The following LANCL1 variants were observed in gnomAD, a reference collection of about 807,000 sequenced individuals.
The protein encoded by LANCL1 is glutathione S-transferase LANCL1.
In LANCL1, 50 loss-of-function variants were observed where a neutral mutation model predicts 50.6. That is an observed-to-expected ratio of 0.99 (90% CI 0.79 to 1.25). The LOEUF (loss-of-function observed/expected upper bound fraction) is 1.25, where lower values mean the gene tolerates loss of function less well. LANCL1 is among the 50% of genes most tolerant of loss of function. The pLI is 0.00. For missense variants in LANCL1, 532 were observed against 480.7 expected (o/e 1.11, Z -1.00); for synonymous variants, 188 against 178.6 (o/e 1.05, Z -0.42).
At chr2:210,439,496 G>A (rs1404437073) in intron 6 of LANCL1, among the ~76,000 whole-genome samples, 2 of 152,152 alleles carry the variant, frequency 1.3e-5, no homozygotes, top group Non-Finnish European at 2.9e-5. Context: ...TTTCCTGAAA[G>A]CTTTTAGGAA....
chr2:210,436,466 T>C, intron 7 of LANCL1, 74 bp from the exon 8 acceptor site: 2 of 1,399,648 alleles, frequency 1.4e-6, no homozygotes, highest in African/African-American at 1.4e-5. Context: ...TCCTGATAGA[T>C]AAGAAGGAAA....
At chr2:210,471,571 AT>A (rs2105927938) in intron 3 of LANCL1, 1 of 462,948 alleles carries the variant, frequency 2.2e-6, no homozygotes, top group South Asian at 1.5e-5. Flanking sequence ...TTCTGGACAT[AT>A]TTTATTCCTG....
chr2:210,471,193 T>C (rs3856345), intron 3 of LANCL1, among the ~76,000 whole-genome samples: 67,642 of 151,298 alleles, frequency 0.45, 16,060 homozygotes, highest in East Asian at 0.61. Context: ...ACTACAGGTA[T>C]GAGCCACCAT....
intron 4 of LANCL1, among the ~76,000 whole-genome samples, chr2:210,442,080 T>C (rs147016704): frequency 2.0e-5 from 3 of 152,142 alleles, no homozygotes; most frequent in East Asian, 3.9e-4. Context: ...AATTTTGTAT[T>C]TTTAGTAGAG....
At chr2:210,453,133 T>C (rs1049931193) in intron 4 of LANCL1, among the ~76,000 whole-genome samples, 1 of 152,212 alleles carries the variant, frequency 6.6e-6, no homozygotes, top group African/African-American at 2.4e-5. Flanking sequence ...TCCTATTATA[T>C]TCACATACTA....
At chr2:210,468,793 T>C (rs1694144785) in intron 3 of LANCL1, 1 of 152,244 alleles carries the variant, frequency 6.6e-6, no homozygotes, top group African/African-American at 2.4e-5. Flanking sequence ...GGGGTTCCTA[T>C]TAACATCCTG....
intron 4 of LANCL1, 41 bp downstream of exon 4, chr2:210,455,066 A>G (rs1553713184): frequency 3.9e-6 from 6 of 1,526,068 alleles, no homozygotes; most frequent in Non-Finnish European, 4.5e-6. Context: ...ATTAATGCAT[A>G]ATGATGCTAG....
At chr2:210,476,768 C>T, upstream of LANCL1, 1 of 1,027,024 alleles carries the variant, frequency 9.7e-7, no homozygotes, top group Non-Finnish European at 1.2e-6. Context: ...CCGCCCAGTT[C>T]CTGCCAGGAG....
intron 3 of LANCL1, among the ~76,000 whole-genome samples, chr2:210,458,461 A>C (rs952727790): frequency 2.0e-5 from 3 of 152,180 alleles, no homozygotes; most frequent in Non-Finnish European, 4.4e-5. Flanking sequence ...CCATAACTGC[A>C]CTGTAAGGTT....
At chr2:210,445,160 T>C (rs1693276816) in intron 4 of LANCL1, among the ~76,000 whole-genome samples, 1 of 126,914 alleles carries the variant, frequency 7.9e-6, no homozygotes. Context: ...TGAAAAAAAA[T>C]TACTGTAATT....
chr2:210,465,382 G>A (rs1559720112), intron 3 of LANCL1, among the ~76,000 whole-genome samples: 3 of 152,296 alleles, frequency 2.0e-5, no homozygotes, highest in East Asian at 1.9e-4. Context: ...GACATTACAC[G>A]AAACACCTGA....
intron 2 of LANCL1, among the ~76,000 whole-genome samples, chr2:210,473,203 C>T (rs893055846): frequency 6.6e-6 from 1 of 152,080 alleles, no homozygotes; most frequent in African/African-American, 2.4e-5. Context: ...TGGAGAAACC[C>T]CATCTCTACT....
chr2:210,468,110 C>G (rs1030678025), intron 3 of LANCL1: 7 of 151,772 alleles, frequency 4.6e-5, no homozygotes, highest in Non-Finnish European at 8.8e-5. Flanking sequence ...ACACTTAGCT[C>G]TAGGAAAATT....
intron 4 of LANCL1, among the ~76,000 whole-genome samples, chr2:210,444,775 T>A (rs1321334429): frequency 6.6e-6 from 1 of 152,170 alleles, no homozygotes; most frequent in Admixed American, 6.5e-5. Flanking sequence ...TTGTATACTT[T>A]GACCTTTTTT....
At chr2:210,461,986 C>T (rs1693878890) in intron 3 of LANCL1, among the ~76,000 whole-genome samples, 2 of 152,148 alleles carry the variant, frequency 1.3e-5, no homozygotes, top group South Asian at 4.1e-4. Flanking sequence ...TCATTTAATC[C>T]TTTATAATAA....
rs1346672978 is a variant in LANCL1, at chr2:210,450,197, ACAGC to A, written c.407+4906_407+4909del. On this transcript the variant is annotated intron_variant, in intron 4 of 9. Coordinates refer to ENST00000450366, the MANE Select transcript of LANCL1 (RefSeq NM_006055.3). ...GCCTCAGAAATAACACCACACACGT[ACAGC>A]CATCTGATCTTTGACAAACCTGACA... 3.3e-5 allele frequency among the ~76,000 whole-genome samples: 5 copies of A among 152,344 alleles called. 1 individual carries two copies. In the East Asian group the frequency reaches 9.6e-4, roughly 29 times the overall value.
chr2:210,438,036 A>C (rs2105886440), intron 6 of LANCL1, among the ~76,000 whole-genome samples, 164 bp from the exon 7 acceptor site: 1 of 152,252 alleles, frequency 6.6e-6, no homozygotes, highest in East Asian at 1.9e-4. Context: ...CTTTATTTTA[A>C]GCTTTTGTGA....
In LANCL1 at chr2:210,473,394, CAACAAA is replaced by C. The variant is rs1478143138; in HGVS notation, c.82-1324_82-1319del. 1.1e-4 allele frequency among the ~76,000 whole-genome samples: 16 copies of C among 152,220 alleles called. 1 individual carries two copies. The South Asian group carries it at 3.1e-3, about 30-fold the overall frequency. On this transcript the variant is annotated intron_variant, in intron 2 of 9. Transcript: ENST00000450366. The stretch of plus-strand genomic sequence containing the variant: ...CCATCTCAAACAACAACAACAACAA[CAACAAA>C]AACCCAAAAAACTCACTTTATTGTC...
At chr2:210,470,803 G>A (rs1030624241) in intron 3 of LANCL1, among the ~76,000 whole-genome samples, 1 of 152,138 alleles carries the variant, frequency 6.6e-6, no homozygotes, top group Non-Finnish European at 1.5e-5. Flanking sequence ...AAATTCCTGG[G>A]TTCTGCTCAA....
Sources: allele counts gnomAD v4.1 joint callset (sites outside exome capture counted in the v4.1 genomes callset), GRCh38; gene constraint gnomAD v4.1.1; transcripts MANE v1.5; gene names NCBI Gene and HGNC (gene_info 2026-07-23, HGNC 2026-07-21).